ADAMTS12: variants seen among roughly 807,000 people sequenced by gnomAD.
ADAMTS12 encodes A disintegrin and metalloproteinase with thrombospondin motifs 12.
A neutral mutation model predicts 167.8 loss-of-function variants in ADAMTS12; 118 were observed. That is an observed-to-expected ratio of 0.70 (90% CI 0.61 to 0.82). The LOEUF (loss-of-function observed/expected upper bound fraction) is 0.82. ADAMTS12 is among the 40% of genes least tolerant of loss of function. ADAMTS12 has a pLI of 0.00. For missense variants in ADAMTS12, 1,916 were observed against 1,998.8 expected (o/e 0.96, Z 0.79); for synonymous variants, 704 against 716.9 (o/e 0.98, Z 0.29).
At chr5:33,835,387 G>T (rs1205434871) in intron 2 of ADAMTS12, among the ~76,000 whole-genome samples, 1 of 152,186 alleles carries the variant, frequency 6.6e-6, no homozygotes, top group East Asian at 1.9e-4. Context: ...CACTAACTTT[G>T]TAAAATTAAT....
chr5:33,745,889 C>T (rs1374844961), intron 3 of ADAMTS12, among the ~76,000 whole-genome samples: 1 of 152,108 alleles, frequency 6.6e-6, no homozygotes, highest in African/African-American at 2.4e-5. Context: ...TACATTCATG[C>T]ATTAAGCATT....
At chr5:33,626,024 A>T (rs1739570808) in intron 13 of ADAMTS12, among the ~76,000 whole-genome samples, 1 of 152,174 alleles carries the variant, frequency 6.6e-6, no homozygotes, top group Non-Finnish European at 1.5e-5. Flanking sequence ...CTGCTACCCT[A>T]TGTGGAAAAT....
intron 18 of ADAMTS12, 31 bp from the exon 19 acceptor site, chr5:33,577,191 G>A (rs372910215): frequency 1.5e-5 from 24 of 1,613,374 alleles, no homozygotes; most frequent in African/African-American, 4.0e-5. Context: ...TTAGCCTGGC[G>A]AGAGAAGATG....
intron 23 of ADAMTS12, among the ~76,000 whole-genome samples, chr5:33,529,056 G>GA (rs915721095): frequency 1.3e-5 from 2 of 151,732 alleles, no homozygotes; most frequent in Non-Finnish European, 2.9e-5. Flanking sequence ...AAAAAAAGAA[G>GA]AAAAAAAATA....
In ADAMTS12 at chr5:33,838,188, T is replaced by C. The variant is rs1748607143; in HGVS notation, c.489+42931A>G. Among the ~76,000 whole-genome samples the C allele has an allele frequency of 2.0e-5, 3 of 152,154 alleles. 1 individual carries two copies. In the South Asian group the frequency reaches 6.2e-4, roughly 32 times the overall value. On this transcript the variant is annotated intron_variant, in intron 2 of 23. Transcript: ENST00000504830. ...TGCACATTTAAAGACTATGAAGCAA[T>C]GGTTAACACTTAAGAGCTGAAAGGA...
intron 6 of ADAMTS12, among the ~76,000 whole-genome samples, chr5:33,659,620 A>G (rs934203505): frequency 1.3e-5 from 2 of 152,214 alleles, no homozygotes; most frequent in African/African-American, 4.8e-5. Flanking sequence ...AAAGAATTAT[A>G]GGAACATGGT....
intron 2 of ADAMTS12, among the ~76,000 whole-genome samples, chr5:33,872,099 G>C (rs543359686): frequency 6.6e-6 from 1 of 152,238 alleles, no homozygotes; most frequent in South Asian, 2.1e-4. Context: ...ATCAGGCCCA[G>C]ATAGGTTCAC....
In ADAMTS12 at chr5:33,858,569, G is replaced by A. The variant is rs145620286; in HGVS notation, c.489+22550C>T. Among the ~76,000 whole-genome samples, 950 of 150,878 alleles carry A rather than the reference G, an allele frequency of 6.3e-3. 13 individuals carry two copies. Among genetic ancestry groups the A allele is most frequent in the African/African-American group, 0.022 (901 of 40,940 alleles). ...GCAACTTGGAAGGCTGAGGTGGGAG[G>A]ATTGCTTGATCCCAGGAGGTTTAGG... On this transcript the variant is annotated intron_variant, in intron 2 of 23. Transcript: ENST00000504830.
intron 2 of ADAMTS12, among the ~76,000 whole-genome samples, chr5:33,794,214 T>C (rs762822658): frequency 5.9e-5 from 9 of 152,200 alleles, no homozygotes; most frequent in Admixed American, 1.3e-4. Flanking sequence ...AGGTGTGTGC[T>C]TGGGAGAGGA....
At chr5:33,553,759 T>C (rs759829449) in intron 20 of ADAMTS12, among the ~76,000 whole-genome samples, 7 of 152,128 alleles carry the variant, frequency 4.6e-5, no homozygotes, top group Admixed American at 3.3e-4. Context: ...AAATAACTAA[T>C]GGGCACTAGG....
chr5:33,826,020 TAC>T (rs1748054305), intron 2 of ADAMTS12, among the ~76,000 whole-genome samples: 1 of 152,202 alleles, frequency 6.6e-6, no homozygotes. Context: ...GAACAGGCGG[TAC>T]ACATCATTTG....
chr5:33,547,493 T>C (rs1175478437), intron 21 of ADAMTS12, among the ~76,000 whole-genome samples: 3 of 152,118 alleles, frequency 2.0e-5, no homozygotes, highest in Middle Eastern at 3.2e-3. Flanking sequence ...GCTTGCCAGA[T>C]GGGTTCGTAA....
chr5:33,541,046 G>A (rs973684397), intron 22 of ADAMTS12, among the ~76,000 whole-genome samples: 2 of 152,146 alleles, frequency 1.3e-5, no homozygotes, highest in African/African-American at 2.4e-5. Flanking sequence ...TGAGCTAAAG[G>A]ACATGTTCTA....
intron 17 of ADAMTS12, among the ~76,000 whole-genome samples, chr5:33,593,079 C>T (rs1305215332): frequency 6.6e-6 from 1 of 152,126 alleles, no homozygotes; most frequent in African/African-American, 2.4e-5. Flanking sequence ...GAGTTTGAGA[C>T]CAGCCTGGCC....
chr5:33,715,474 C>T (rs1416326394), intron 3 of ADAMTS12, among the ~76,000 whole-genome samples: 3 of 151,980 alleles, frequency 2.0e-5, no homozygotes, highest in Admixed American at 2.0e-4. Context: ...AAAAAATAAG[C>T]ATATATGAGT....
At chr5:33,832,630 A>G (rs114105735) in intron 2 of ADAMTS12, among the ~76,000 whole-genome samples, 154 of 152,336 alleles carry the variant, frequency 1.0e-3, no homozygotes, top group Non-Finnish European at 1.7e-3. Context: ...ATGCTCAGAG[A>G]GAGAATTTCC....
intron 2 of ADAMTS12, among the ~76,000 whole-genome samples, chr5:33,860,559 A>G (rs1749572304): frequency 6.6e-6 from 1 of 152,192 alleles, no homozygotes; most frequent in South Asian, 2.1e-4. Context: ...GAAAGTGTCG[A>G]GGAGAATGGA....
At chr5:33,771,985 C>G (rs1462283500) in intron 2 of ADAMTS12, among the ~76,000 whole-genome samples, 1 of 151,998 alleles carries the variant, frequency 6.6e-6, no homozygotes, top group Non-Finnish European at 1.5e-5. Flanking sequence ...GCCTACCAAA[C>G]AGCTGAGACT....
chr5:33,708,120 T>C (rs1424310950), intron 3 of ADAMTS12, among the ~76,000 whole-genome samples: 3 of 151,888 alleles, frequency 2.0e-5, no homozygotes, highest in African/African-American at 7.3e-5. Context: ...AACAACCCCA[T>C]CAAAAAGTGG....
Sources: gnomAD v4.1 joint callset for allele counts (sites outside exome capture counted in the v4.1 genomes callset) on GRCh38, gnomAD v4.1.1 for gene constraint, MANE v1.5 for transcripts, NCBI Gene and HGNC (gene_info 2026-07-23, HGNC 2026-07-21) for gene names.